ALK: variants seen among roughly 807,000 people sequenced by gnomAD.
ALK encodes ALK receptor tyrosine kinase, also known as ALK tyrosine kinase receptor.
ALK carries 74 observed loss-of-function variants against 163.1 expected under a neutral mutation model. The observed-to-expected ratio is 0.45, with a 90% CI of 0.38 to 0.55. The LOEUF (loss-of-function observed/expected upper bound fraction) is 0.55. ALK is among the 20% of genes least tolerant of loss of function. ALK has a pLI of 0.00. For synonymous variants in ALK, 960 were observed against 843.2 expected (o/e 1.14, Z -2.40); for missense variants, 2,063 against 2,105.3 (o/e 0.98, Z 0.39).
At position 29,318,316 on chromosome 2, in the gene ALK, G is replaced by C. The variant is rs1666893501; in HGVS notation, c.1635C>G (p.Ser545Arg). 6.2e-7 allele frequency: 1 copy of C among 1,612,940 alleles called. No homozygotes were observed. Among genetic ancestry groups the C allele is most frequent in the Non-Finnish European group, 8.5e-7 (1 of 1,178,930 alleles). ...TSATFPAPIK[S>R]SPCELRMSWL... ...CAAGGAGACTTGCCTCACATGGAGAGCTCTTGATCGGTGCAGGAAACGTAG... is the reference window on the plus strand; with the variant it reads ...CAAGGAGACTTGCCTCACATGGAGACCTCTTGATCGGTGCAGGAAACGTAG... The change falls in exon 8 of 29, where the codon AGC becomes AGG. Residue 545 changes from serine to arginine, a missense_variant. Around this residue, in one of 5 missense-constraint regions of ALK, gnomAD observed 987 missense variants for 939.5 expected, o/e 1.05. Coordinates refer to ENST00000389048, the MANE Select transcript of ALK (RefSeq NM_004304.5).
chr2:29,799,290 C>G (rs1373642366), intron 1 of ALK, among the ~76,000 whole-genome samples: 1 of 152,188 alleles, frequency 6.6e-6, no homozygotes, highest in Non-Finnish European at 1.5e-5. Flanking sequence ...AGGGCACCAA[C>G]TTGGATGCTG....
chr2:29,721,024 G>A (rs1234486882), intron 1 of ALK, among the ~76,000 whole-genome samples: 1 of 152,184 alleles, frequency 6.6e-6, no homozygotes, highest in Non-Finnish European at 1.5e-5. Context: ...GAGCTTCTAG[G>A]TGCCCAAGTG....
chr2:29,491,707 T>G (rs1243867205), intron 4 of ALK, among the ~76,000 whole-genome samples: 1 of 152,200 alleles, frequency 6.6e-6, no homozygotes, highest in East Asian at 1.9e-4. Flanking sequence ...GGTTGTTACT[T>G]TCACTTAACG....
intron 6 of ALK, among the ~76,000 whole-genome samples, chr2:29,327,562 G>A (rs1486305268): frequency 6.6e-6 from 1 of 152,118 alleles, no homozygotes; most frequent in Non-Finnish European, 1.5e-5. Flanking sequence ...AATGGCAGGG[G>A]GTTTGGAGCA....
intron 5 of ALK, among the ~76,000 whole-genome samples, chr2:29,338,271 C>T (rs1667684734): frequency 6.6e-6 from 1 of 152,130 alleles, no homozygotes; most frequent in Non-Finnish European, 1.5e-5. Flanking sequence ...AAAAATTATA[C>T]TTGCAATGAT....
chr2:29,199,524 T>A (rs1243872941), intron 26 of ALK, among the ~76,000 whole-genome samples: 2 of 152,216 alleles, frequency 1.3e-5, no homozygotes, highest in Non-Finnish European at 2.9e-5. Context: ...TCCAACACTA[T>A]GCATAAGATA....
At chr2:29,855,630 C>T (rs909968760) in intron 1 of ALK, among the ~76,000 whole-genome samples, 2 of 152,146 alleles carry the variant, frequency 1.3e-5, no homozygotes, top group Admixed American at 6.5e-5. Context: ...AACACACTGA[C>T]AAAAGTCTCT....
intron 4 of ALK, among the ~76,000 whole-genome samples, chr2:29,501,088 C>T (rs1672162516): frequency 6.6e-6 from 1 of 152,162 alleles, no homozygotes; most frequent in Admixed American, 6.5e-5. Context: ...TCTTCTTATA[C>T]TGACCTCTGA....
At chr2:29,701,221 TTATGCC>T (rs1348809623) in intron 2 of ALK, among the ~76,000 whole-genome samples, 1 of 152,186 alleles carries the variant, frequency 6.6e-6, no homozygotes, top group Non-Finnish European at 1.5e-5. Flanking sequence ...TCAAGGCCCT[TTATGCC>T]TCCTTAACCT....
At chr2:29,286,298 T>A (rs1245640370) in intron 9 of ALK, 1 of 152,226 alleles carries the variant, frequency 6.6e-6, no homozygotes. Flanking sequence ...GGAGGCTTAA[T>A]ATATGTTTGC....
intron 4 of ALK, among the ~76,000 whole-genome samples, chr2:29,468,115 G>A (rs147460604): frequency 4.0e-5 from 6 of 151,778 alleles, no homozygotes; most frequent in Admixed American, 1.3e-4. Context: ...TGCAACCTGC[G>A]CCTACCGGGT....
intron 3 of ALK, among the ~76,000 whole-genome samples, chr2:29,620,624 A>G (rs780520342): frequency 6.6e-6 from 1 of 152,072 alleles, no homozygotes; most frequent in Non-Finnish European, 1.5e-5. Flanking sequence ...TACGTAAATC[A>G]GCCCTGTACT....
chr2:29,794,982 G>A (rs576299775), intron 1 of ALK, among the ~76,000 whole-genome samples: 3 of 152,258 alleles, frequency 2.0e-5, no homozygotes, highest in Admixed American at 6.5e-5. Flanking sequence ...TCTGTGAAGT[G>A]AAATAAAGCA....
chr2:29,516,214 A>G (rs982969855), intron 4 of ALK, among the ~76,000 whole-genome samples: 2 of 152,194 alleles, frequency 1.3e-5, no homozygotes, highest in African/African-American at 4.8e-5. Context: ...ATAGAATGAA[A>G]CAACTCCTCT....
chr2:29,831,032 AGGAGGAGG>A (rs1558508505), intron 1 of ALK, among the ~76,000 whole-genome samples: 4 of 58,124 alleles, frequency 6.9e-5, no homozygotes, highest in African/African-American at 2.3e-4. Context: ...AAGGGGAAGG[AGGAGGAGG>A]AGGAGAAGGA....
At chr2:29,223,789 T>C (rs1663823062) in intron 19 of ALK, 1 of 528,910 alleles carries the variant, frequency 1.9e-6, no homozygotes, top group South Asian at 2.1e-5. Context: ...GTCATGTTAG[T>C]CTGGTTCCTC....
At chr2:29,865,661 T>C (rs1290945913) in intron 1 of ALK, among the ~76,000 whole-genome samples, 1 of 152,202 alleles carries the variant, frequency 6.6e-6, no homozygotes, top group Non-Finnish European at 1.5e-5. Flanking sequence ...CACAGGGGTA[T>C]GCGGTTGGGG....
chr2:29,251,298 T>C, intron 11 of ALK, 31 bp from the exon 12 acceptor site: 1 of 1,605,902 alleles, frequency 6.2e-7, no homozygotes, highest in Non-Finnish European at 8.5e-7. Flanking sequence ...CAGTCACTCA[T>C]GTGGCCAGGC....
chr2:29,429,931 G>A (rs112727718), intron 4 of ALK, among the ~76,000 whole-genome samples: 1 of 152,064 alleles, frequency 6.6e-6, no homozygotes, highest in South Asian at 2.1e-4. Flanking sequence ...GTTGAGTCTT[G>A]AGAGGGTACC....
Sources: allele counts gnomAD v4.1 joint callset (sites outside exome capture counted in the v4.1 genomes callset), GRCh38; gene constraint gnomAD v4.1.1; regional missense constraint gnomAD v4.1.1; transcripts MANE v1.5; gene names NCBI Gene and HGNC (gene_info 2026-07-23, HGNC 2026-07-21).